ERBB4: variants seen among roughly 807,000 people sequenced by gnomAD.
ERBB4 encodes the protein receptor tyrosine-protein kinase erbB-4.
A neutral mutation model predicts 158.0 loss-of-function variants in ERBB4; 42 were observed. The ratio of observed to expected loss-of-function variants is 0.27; its 90% CI spans 0.21 to 0.34. The LOEUF is 0.34. ERBB4 is among the 10% of genes least tolerant of loss of function. The pLI is 1.00. For missense variants in ERBB4, 1,333 were observed against 1,624.1 expected (o/e 0.82, Z 3.08); for synonymous variants, 583 against 558.7 (o/e 1.04, Z -0.61).
At chr2:212,009,109 A>T (rs1027672599) in intron 2 of ERBB4, among the ~76,000 whole-genome samples, 1 of 18,882 alleles carries the variant, frequency 5.3e-5, no homozygotes, top group African/African-American at 5.8e-5. Flanking sequence ...AATAAAAATC[A>T]TTAAAACTTA....
chr2:211,876,120 C>T (rs2078493232), intron 3 of ERBB4, among the ~76,000 whole-genome samples: 1 of 152,132 alleles, frequency 6.6e-6, no homozygotes, highest in African/African-American at 2.4e-5. Flanking sequence ...GGCTTTCTCT[C>T]TTCACTTACT....
chr2:211,833,138 C>T (rs1427377104), intron 3 of ERBB4, among the ~76,000 whole-genome samples: 1 of 152,062 alleles, frequency 6.6e-6, no homozygotes, highest in Non-Finnish European at 1.5e-5. Context: ...GAATCCTTTC[C>T]CCATCCCCTT....
chr2:211,772,906 TATACACAC>T lies in ERBB4; in HGVS notation c.556+15111_556+15118del, dbSNP rs1215822980. ...ATATACACACACACACACATATATA[TATACACAC>T]ACACACACACATATATATATATATA... On this transcript the variant is annotated intron_variant, in intron 4 of 27. Transcript: ENST00000342788. Among the ~76,000 whole-genome samples, 70 of 49,920 alleles carry T rather than the reference TATACACAC, an allele frequency of 1.4e-3. 3 individuals carry two copies. The highest frequency in any genetic ancestry group is 4.4e-3 in the African/African-American group (62 of 14,248). The allele number at this position is 49,920 out of a possible 152,430, so 32.7% of individuals were successfully genotyped here.
intron 5 of ERBB4, among the ~76,000 whole-genome samples, chr2:211,726,429 A>T (rs1329291578): frequency 6.6e-6 from 1 of 151,842 alleles, no homozygotes; most frequent in Admixed American, 6.6e-5. Context: ...ACAGAACATA[A>T]CTCTTCTTCC....
chr2:212,188,322 T>G (rs1000945584), intron 1 of ERBB4, among the ~76,000 whole-genome samples: 8 of 137,604 alleles, frequency 5.8e-5, no homozygotes, highest in Non-Finnish European at 1.1e-4. Flanking sequence ...TCTATCCCGC[T>G]ACCCACTACA....
At chr2:212,501,501 G>A (rs115340484) in intron 1 of ERBB4, among the ~76,000 whole-genome samples, 1,804 of 152,266 alleles carry the variant, frequency 0.012, 36 homozygotes, top group African/African-American at 0.042. Flanking sequence ...CACAACAGCA[G>A]TGAAAGTGAG....
chr2:211,875,025 C>CAAAAAAAAAAAGAA (rs2078456507), intron 3 of ERBB4, among the ~76,000 whole-genome samples: 1 of 27,028 alleles, frequency 3.7e-5, no homozygotes. Context: ...AATAGAAATG[C>CAAAAAAAAAAAGAA]AAAAAAAAAA....
chr2:212,514,094 T>C (rs1341882177), intron 1 of ERBB4, among the ~76,000 whole-genome samples: 1 of 152,050 alleles, frequency 6.6e-6, no homozygotes, highest in Non-Finnish European at 1.5e-5. Context: ...AGCATTTTGT[T>C]CCAATTCACT....
At chr2:211,387,691 A>T (rs2062715083) in intron 26 of ERBB4, among the ~76,000 whole-genome samples, 1 of 152,218 alleles carries the variant, frequency 6.6e-6, no homozygotes, top group Non-Finnish European at 1.5e-5. Flanking sequence ...CTCCACATCC[A>T]GAAGCATAAT....
chr2:212,510,854 A>G (rs1320791712), intron 1 of ERBB4, among the ~76,000 whole-genome samples: 1 of 152,136 alleles, frequency 6.6e-6, no homozygotes, highest in African/African-American at 2.4e-5. Context: ...GCCCGTTAAT[A>G]AATAGAAAAC....
chr2:211,447,147 C>T (rs569250052), intron 20 of ERBB4, among the ~76,000 whole-genome samples: 1 of 152,218 alleles, frequency 6.6e-6, no homozygotes, highest in South Asian at 2.1e-4. Context: ...TATTCCTTTA[C>T]AATTATGATC....
intron 20 of ERBB4, among the ~76,000 whole-genome samples, chr2:211,455,132 C>A (rs1269538329): frequency 1.3e-5 from 2 of 152,208 alleles, no homozygotes; most frequent in Admixed American, 6.5e-5. Context: ...CACAGTAGAA[C>A]AGAAATTACT....
chr2:212,443,664 A>C (rs1395946729), intron 1 of ERBB4, among the ~76,000 whole-genome samples: 1 of 152,228 alleles, frequency 6.6e-6, no homozygotes, highest in Non-Finnish European at 1.5e-5. Context: ...CTGCTGTGCA[A>C]ACTGCTCTGC....
chr2:211,400,246 G>GTGTT (rs2063006719), intron 25 of ERBB4, among the ~76,000 whole-genome samples: 1 of 152,072 alleles, frequency 6.6e-6, no homozygotes, highest in South Asian at 2.1e-4. Flanking sequence ...TTATAAGCTC[G>GTGTT]TGTTTATGAT....
At chr2:212,373,724 C>CAT (rs545859352) in intron 1 of ERBB4, among the ~76,000 whole-genome samples, 3,612 of 136,208 alleles carry the variant, frequency 0.027, 180 homozygotes, top group South Asian at 0.062. Context: ...CATATATATC[C>CAT]ATATATATAT....
At chr2:211,689,429 C>T (rs1030123911) in intron 12 of ERBB4, among the ~76,000 whole-genome samples, 2 of 152,068 alleles carry the variant, frequency 1.3e-5, no homozygotes, top group Non-Finnish European at 2.9e-5. Context: ...GAACTCTGGG[C>T]TCAAGAAATT....
intron 3 of ERBB4, among the ~76,000 whole-genome samples, chr2:211,839,194 G>GAGGAGA (rs2077413960): frequency 2.0e-5 from 2 of 99,922 alleles, no homozygotes; most frequent in African/African-American, 6.9e-5. Context: ...GGAGGAGGAG[G>GAGGAGA]GAAAGAAAGA....
chr2:211,468,654 C>T (rs552357986), intron 20 of ERBB4, among the ~76,000 whole-genome samples: 103 of 152,098 alleles, frequency 6.8e-4, no homozygotes, highest in Middle Eastern at 3.4e-3. Flanking sequence ...GCAAATGAGG[C>T]TAATGAAAGA....
intron 3 of ERBB4, among the ~76,000 whole-genome samples, chr2:211,863,935 C>A (rs1244897906): frequency 6.6e-6 from 1 of 152,062 alleles, no homozygotes; most frequent in East Asian, 1.9e-4. Flanking sequence ...TTTCTTGACC[C>A]TCTGCTTCAT....
Sources: allele counts gnomAD v4.1 joint callset (sites outside exome capture counted in the v4.1 genomes callset), GRCh38; gene constraint gnomAD v4.1.1; transcripts MANE v1.5; gene names NCBI Gene and HGNC (gene_info 2026-07-23, HGNC 2026-07-21).